Variants in BPIFB3 observed in about 807,000 individuals in gnomAD.
BPIFB3 encodes BPI fold-containing family B member 3.
BPIFB3 carries 49 observed loss-of-function variants against 53.1 expected under a neutral mutation model. That is an observed-to-expected ratio of 0.92 (90% confidence interval 0.73 to 1.17). The LOEUF (loss-of-function observed/expected upper bound fraction) is 1.17, where lower values mean the gene tolerates loss of function less well. Ranked by LOEUF, BPIFB3 falls within the 50% of genes most tolerant of loss-of-function variation. BPIFB3 has a pLI of 0.00. For missense variants in BPIFB3, 628 were observed against 592.5 expected, an observed-to-expected ratio of 1.06 and a Z score of -0.62; for synonymous variants, 271 against 269.6, an observed-to-expected ratio of 1.01 and a Z score of -0.05.
chr20:33,055,496 C>T, exon 1 of BPIFB3: 2 of 1,613,852 alleles, frequency 1.2e-6, no homozygotes, highest in African/African-American at 1.3e-5. Flanking sequence ...CCAGGAGCTG[C>T]TAGAGACGGT....
exon 12 of BPIFB3, chr20:33,071,289 C>A (rs1340980226): frequency 6.4e-7 from 1 of 1,563,524 alleles, no homozygotes; most frequent in East Asian, 2.3e-5. Context: ...TTACCCATGC[C>A]TTTGACGTAA....
intron 4 of BPIFB3, among the ~76,000 whole-genome samples, chr20:33,060,942 G>T (rs1024947669): frequency 1.3e-5 from 2 of 152,212 alleles, no homozygotes; most frequent in Admixed American, 6.5e-5. Context: ...ATCCGGCAGG[G>T]ATGGAGAGGG....
At chr20:33,073,053 T>G (rs537915055) in intron 14 of BPIFB3, among the ~76,000 whole-genome samples, 1 of 152,344 alleles carries the variant, frequency 6.6e-6, no homozygotes, top group African/African-American at 2.4e-5. Context: ...TTCAGAGACA[T>G]GTCTGGCCTC....
intron 5 of BPIFB3, among the ~76,000 whole-genome samples, chr20:33,063,349 G>A (rs73262157): frequency 7.9e-5 from 12 of 152,224 alleles, no homozygotes; most frequent in Admixed American, 2.0e-4. Context: ...TGTGTCTCCC[G>A]TGGTCCCCCA....
intron 9 of BPIFB3, among the ~76,000 whole-genome samples, chr20:33,068,033 T>C (rs1385512602): frequency 1.3e-5 from 2 of 152,216 alleles, no homozygotes; most frequent in Non-Finnish European, 2.9e-5. Flanking sequence ...AATTTCCTGA[T>C]TGTGTGCCTC....
intron 2 of BPIFB3, among the ~76,000 whole-genome samples, chr20:33,057,177 C>A (rs77306035): frequency 5.5e-4 from 84 of 151,876 alleles, no homozygotes; most frequent in African/African-American, 1.9e-3. Flanking sequence ...ACAGTGTATG[C>A]TCAAAAAGCT....
chr20:33,060,409 G>A (rs1980405513), intron 4 of BPIFB3, among the ~76,000 whole-genome samples: 1 of 152,050 alleles, frequency 6.6e-6, no homozygotes, highest in African/African-American at 2.4e-5. Flanking sequence ...TAACCTCAGG[G>A]AGACCCACTC....
Position 33,063,614 on chromosome 20 carries a change from G to A in BPIFB3, c.592-1G>A. Reference sequence around the variant, plus strand: ...CTGTAACATGTGTCTCCCTGACACAGCTGTGCCCCGTGGTGGACAGTGTGC... The same window carrying A: ...CTGTAACATGTGTCTCCCTGACACAACTGTGCCCCGTGGTGGACAGTGTGC... On this transcript the variant is annotated splice_acceptor_variant, in intron 5 of 14. Transcript: ENST00000375494. LOFTEE classifies it high-confidence loss of function. The A allele has an allele frequency of 6.2e-7, 1 of 1,614,056 alleles. No homozygotes were observed. Among genetic ancestry groups the A allele is most frequent in the Non-Finnish European group, 8.5e-7 (1 of 1,179,956 alleles).
At chr20:33,056,450 C>G (rs958464436) in intron 1 of BPIFB3, 92 bp from the exon 3 acceptor site, 7 of 1,466,102 alleles carry the variant, frequency 4.8e-6, no homozygotes, top group East Asian at 2.3e-5. Flanking sequence ...TAAAAAGAAG[C>G]CTACTCAATC....
chr20:33,063,574 G>C, intron 5 of BPIFB3, 41 bp from the exon 7 acceptor site: 1 of 1,605,742 alleles, frequency 6.2e-7, no homozygotes, highest in Non-Finnish European at 8.5e-7. Flanking sequence ...TCCTCGCAGT[G>C]AGCTCTTCTT....
intron 9 of BPIFB3, 57 bp from the exon 11 acceptor site, chr20:33,068,742 GCTGA>G (rs1227643451): frequency 3.9e-6 from 6 of 1,543,748 alleles, no homozygotes; most frequent in South Asian, 1.2e-5. Flanking sequence ...GTGAGTGTTT[GCTGA>G]CTGACTGACT....
intron 11 of BPIFB3, among the ~76,000 whole-genome samples, chr20:33,070,663 C>T (rs1005875269): frequency 9.9e-5 from 15 of 152,198 alleles, no homozygotes; most frequent in Non-Finnish European, 5.9e-5. Flanking sequence ...GCCACAGGCA[C>T]CCAGTGCTCC....
At chr20:33,066,336 A>C (rs1248846610) in intron 8 of BPIFB3, among the ~76,000 whole-genome samples, 1 of 152,318 alleles carries the variant, frequency 6.6e-6, no homozygotes, top group East Asian at 1.9e-4. Flanking sequence ...AAAAATTTAC[A>C]TGTGACTTCC....
exon 7 of BPIFB3, chr20:33,064,467 C>T (rs1980582621): frequency 6.2e-7 from 1 of 1,613,972 alleles, no homozygotes; most frequent in African/African-American, 1.3e-5. Context: ...GCCTGGTGTC[C>T]CTTGGGGCTC....
In BPIFB3 at chr20:33,066,923, A is replaced by T. The variant is rs1456169610; in HGVS notation, c.978+46A>T. 6 of 1,579,230 alleles carry T rather than the reference A, an allele frequency of 3.8e-6. No homozygotes were observed. In the Admixed American group the frequency reaches 1.0e-4, roughly 26 times the overall value. On this transcript the variant is annotated intron_variant, in intron 9 of 14. Transcript: ENST00000375494. The stretch of plus-strand genomic sequence containing the variant: ...TTTTGATCATTGTAGCTCTTTCCTG[A>T]TGACCATGAATGGAGTCCAGAATCT...
chr20:33,066,073 C>T (rs1367811308), intron 8 of BPIFB3, among the ~76,000 whole-genome samples: 1 of 152,226 alleles, frequency 6.6e-6, no homozygotes, highest in Non-Finnish European at 1.5e-5. Flanking sequence ...AGGCCTCGTC[C>T]TGGTGCTGCA....
chr20:33,072,063 C>G (rs1315909747), intron 12 of BPIFB3, 41 bp from the exon 14 acceptor site: 2 of 1,608,512 alleles, frequency 1.2e-6, no homozygotes, highest in Non-Finnish European at 1.7e-6. Context: ...AAAGCCACAC[C>G]CCAGAGCACC....
At chr20:33,066,962 T>A in intron 9 of BPIFB3, 85 bp downstream of exon 10, 1 of 1,401,956 alleles carries the variant, frequency 7.1e-7, no homozygotes, top group Non-Finnish European at 1.0e-6. Context: ...TCAATACAGC[T>A]CTCCAGGCAA....
At chr20:33,071,630 G>A (rs1444469506) in intron 12 of BPIFB3, among the ~76,000 whole-genome samples, 1 of 152,100 alleles carries the variant, frequency 6.6e-6, no homozygotes, top group African/African-American at 2.4e-5. Context: ...TAAATTTCCC[G>A]AACTCAGCAA....
Sources: allele counts gnomAD v4.1 joint callset (sites outside exome capture counted in the v4.1 genomes callset), GRCh38; gene constraint gnomAD v4.1.1; transcripts MANE v1.5; gene names NCBI Gene and HGNC (gene_info 2026-07-23, HGNC 2026-07-21).